SYT1: variants seen among roughly 807,000 people sequenced by gnomAD.
SYT1 encodes the protein synaptotagmin 1.
Under a neutral mutation model 44.8 loss-of-function variants are expected in SYT1, and 8 were observed. The observed-to-expected ratio is 0.18, with a 90% CI of 0.10 to 0.32. The LOEUF (loss-of-function observed/expected upper bound fraction) is 0.32. SYT1 is among the 10% of genes least tolerant of loss of function. The probability of loss-of-function intolerance (pLI) is 1.00; values close to 1 mark genes in which losing one functional copy is unlikely to be tolerated. For missense variants in SYT1, 286 were observed against 509.3 expected, an observed-to-expected ratio of 0.56 and a Z score of 4.22; for synonymous variants, 154 against 188.8, an observed-to-expected ratio of 0.82 and a Z score of 1.51.
chr12:79,264,151 A>G (rs1025451224), intron 4 of SYT1, among the ~76,000 whole-genome samples: 1 of 151,906 alleles, frequency 6.6e-6, no homozygotes, highest in Non-Finnish European at 1.5e-5. Context: ...AATAAAGATA[A>G]TATTGACTGC....
intron 9 of SYT1, among the ~76,000 whole-genome samples, chr12:79,425,466 T>G (rs1451978154): frequency 1.3e-5 from 2 of 152,164 alleles, no homozygotes; most frequent in African/African-American, 4.8e-5. Flanking sequence ...AATTAACTAA[T>G]TTTGGCCCCA....
At chr12:78,979,575 T>C (rs1474100232) in intron 2 of SYT1, among the ~76,000 whole-genome samples, 1 of 152,134 alleles carries the variant, frequency 6.6e-6, no homozygotes, top group Non-Finnish European at 1.5e-5. Context: ...ATAACTGATA[T>C]GAAAAATAAA....
chr12:79,294,388 C>T (rs1879779542), intron 6 of SYT1, among the ~76,000 whole-genome samples: 1 of 151,926 alleles, frequency 6.6e-6, no homozygotes, highest in Non-Finnish European at 1.5e-5. Flanking sequence ...TAAAGTGATT[C>T]CTAAGAAGCA....
intron 9 of SYT1, among the ~76,000 whole-genome samples, chr12:79,432,575 G>T (rs1445098913): frequency 6.6e-6 from 1 of 152,050 alleles, no homozygotes; most frequent in Non-Finnish European, 1.5e-5. Context: ...GGTTAGGAAG[G>T]GGGTAGCACA....
At chr12:78,958,407 A>G (rs1189235694) in intron 1 of SYT1, among the ~76,000 whole-genome samples, 4 of 152,068 alleles carry the variant, frequency 2.6e-5, no homozygotes, top group Admixed American at 2.0e-4. Flanking sequence ...ATCAAAACAC[A>G]AACAAGGCCG....
chr12:79,085,384 C>G (rs886813781), intron 3 of SYT1, among the ~76,000 whole-genome samples: 3 of 152,080 alleles, frequency 2.0e-5, no homozygotes, highest in African/African-American at 7.2e-5. Context: ...TCAGCCTATA[C>G]AAAAATGACT....
intron 3 of SYT1, among the ~76,000 whole-genome samples, chr12:79,201,059 C>A (rs1052337131): frequency 6.6e-6 from 1 of 152,084 alleles, no homozygotes; most frequent in Non-Finnish European, 1.5e-5. Flanking sequence ...TTCCAATTCC[C>A]AGAGCTTTTT....
At chr12:79,444,540 C>T (rs779978145) in intron 10 of SYT1, among the ~76,000 whole-genome samples, 3 of 152,102 alleles carry the variant, frequency 2.0e-5, no homozygotes, top group Admixed American at 6.6e-5. Flanking sequence ...TATTTACTCC[C>T]AGGCCATAAA....
chr12:79,313,686 A>G (rs1880924662), intron 8 of SYT1, among the ~76,000 whole-genome samples: 1 of 151,844 alleles, frequency 6.6e-6, no homozygotes, highest in African/African-American at 2.4e-5. Flanking sequence ...ACTACAGGGT[A>G]GATTAAAGCT....
intron 3 of SYT1, among the ~76,000 whole-genome samples, chr12:79,203,396 C>G (rs1189893604): frequency 6.6e-6 from 1 of 152,098 alleles, no homozygotes; most frequent in East Asian, 1.9e-4. Context: ...ACATCACCAC[C>G]CAGCAAAGGA....
At chr12:79,245,698 C>G (rs544999280) in intron 4 of SYT1, among the ~76,000 whole-genome samples, 36 of 152,224 alleles carry the variant, frequency 2.4e-4, no homozygotes, top group African/African-American at 8.7e-4. Context: ...ATCCCTTAAA[C>G]TAGCTTCTAT....
At chr12:79,218,615 A>G (rs2138567911) in intron 4 of SYT1, among the ~76,000 whole-genome samples, 1 of 152,310 alleles carries the variant, frequency 6.6e-6, no homozygotes, top group South Asian at 2.1e-4. Context: ...CATATGAGTG[A>G]GATCATGTAT....
At chr12:79,097,793 C>T (rs1161083053) in intron 3 of SYT1, among the ~76,000 whole-genome samples, 1 of 152,022 alleles carries the variant, frequency 6.6e-6, no homozygotes, top group African/African-American at 2.4e-5. Context: ...TTTAAACTTT[C>T]AAGTATCCTG....
intron 4 of SYT1, among the ~76,000 whole-genome samples, chr12:79,270,542 G>A (rs1004648660): frequency 6.6e-6 from 1 of 152,106 alleles, no homozygotes; most frequent in African/African-American, 2.4e-5. Context: ...AGCTCATCCT[G>A]TGAAAAAGAT....
intron 2 of SYT1, among the ~76,000 whole-genome samples, chr12:79,025,157 C>T (rs1283727753): frequency 6.6e-6 from 1 of 151,750 alleles, no homozygotes; most frequent in Non-Finnish European, 1.5e-5. Context: ...TATGATTTGT[C>T]TACAAGTATT....
chr12:78,904,896 A>G (rs564709803), intron 1 of SYT1, among the ~76,000 whole-genome samples: 10 of 152,158 alleles, frequency 6.6e-5, no homozygotes, highest in African/African-American at 7.2e-5. Flanking sequence ...CAAAGTTTAA[A>G]TAGAATCAAC....
At chr12:79,325,916 C>A (rs1184082191) in intron 8 of SYT1, among the ~76,000 whole-genome samples, 1 of 152,222 alleles carries the variant, frequency 6.6e-6, no homozygotes, top group Non-Finnish European at 1.5e-5. Flanking sequence ...TCTTTTCCTT[C>A]TTCCAGGCTC....
At chr12:79,026,276 G>A (rs1872523851) in intron 2 of SYT1, among the ~76,000 whole-genome samples, 1 of 151,486 alleles carries the variant, frequency 6.6e-6, no homozygotes, top group Non-Finnish European at 1.5e-5. Flanking sequence ...CATGTTCCAA[G>A]TACAGTACAC....
chr12:79,070,175 A>C (rs1876170726), intron 3 of SYT1, among the ~76,000 whole-genome samples: 1 of 152,140 alleles, frequency 6.6e-6, no homozygotes, highest in Non-Finnish European at 1.5e-5. Flanking sequence ...AATGAGTGGC[A>C]TACAAACTGA....
Sources: gnomAD v4.1 joint callset for allele counts (sites outside exome capture counted in the v4.1 genomes callset) on GRCh38, gnomAD v4.1.1 for gene constraint, MANE v1.5 for transcripts, NCBI Gene and HGNC (gene_info 2026-07-23, HGNC 2026-07-21) for gene names.